Variants in IL1RAPL1 observed in about 807,000 individuals in gnomAD.
The protein encoded by IL1RAPL1 is interleukin 1 receptor accessory protein like 1.
A neutral mutation model predicts 48.4 loss-of-function variants in IL1RAPL1; 3 were observed. The observed-to-expected ratio is 0.06, with a 90% CI of 0.03 to 0.16. The LOEUF (loss-of-function observed/expected upper bound fraction) is 0.16. Ranked by LOEUF, IL1RAPL1 falls within the 10% of genes least tolerant of loss-of-function variation. IL1RAPL1 has a pLI of 1.00. For synonymous variants in IL1RAPL1, 185 were observed against 187.7 expected, an observed-to-expected ratio of 0.99 and a Z score of 0.12; for missense variants, 349 against 530.6, an observed-to-expected ratio of 0.66 and a Z score of 3.36.
chrX:29,113,136 G>T (rs1474622819), intron 2 of IL1RAPL1, among the ~76,000 whole-genome samples: 1 of 111,762 alleles, frequency 8.9e-6, no homozygotes, highest in African/African-American at 3.2e-5. Context: ...TAAACACCTT[G>T]TTTAGCAAGT....
intron 2 of IL1RAPL1, among the ~76,000 whole-genome samples, chrX:29,099,405 G>A (rs1047045842): frequency 9.0e-6 from 1 of 111,722 alleles, no homozygotes; most frequent in East Asian, 2.8e-4. Flanking sequence ...AGTGTTTGTG[G>A]AAAATTTACT....
intron 2 of IL1RAPL1, among the ~76,000 whole-genome samples, chrX:29,105,258 A>G (rs185188191): frequency 8.0e-5 from 9 of 112,241 alleles, no homozygotes; most frequent in Non-Finnish European, 1.7e-4. Context: ...GTCAATATGA[A>G]ACCCTTTAAA....
At chrX:29,935,742 T>C (rs146707224) in intron 8 of IL1RAPL1, among the ~76,000 whole-genome samples, 1,738 of 111,654 alleles carry the variant, frequency 0.016, 36 homozygotes, top group African/African-American at 0.053. Flanking sequence ...CAAGGACCTG[T>C]GGGACCTTAG....
At position 29,274,177 on chromosome X, in the gene IL1RAPL1, A is replaced by C. The variant is rs1484408089; in HGVS notation, c.83-8761A>C. On this transcript the variant is annotated intron_variant, in intron 2 of 10. Transcript: ENST00000378993. Reference sequence around the variant, plus strand: ...TATGTATGACAAAAATGAGAAGGAAAGGTCCTGAAGGAGGTACACAGATAC... The same window carrying C: ...TATGTATGACAAAAATGAGAAGGAACGGTCCTGAAGGAGGTACACAGATAC... Among the ~76,000 whole-genome samples, 12 of 111,817 alleles carry C rather than the reference A, an allele frequency of 1.1e-4. No homozygotes were observed. The East Asian group carries it at 3.4e-3, about 32-fold the overall frequency.
chrX:29,371,335 A>G (rs757616753), intron 3 of IL1RAPL1, among the ~76,000 whole-genome samples: 119 of 109,885 alleles, frequency 1.1e-3, no homozygotes, highest in African/African-American at 3.4e-3. Flanking sequence ...TTTCACAATG[A>G]TGGCCAGGCT....
At chrX:29,830,344 C>T (rs181125286) in intron 6 of IL1RAPL1, among the ~76,000 whole-genome samples, 3 of 111,402 alleles carry the variant, frequency 2.7e-5, no homozygotes, top group African/African-American at 9.8e-5. Context: ...TATACTTTAA[C>T]ACTTTAATTG....
chrX:28,862,023 A>T (rs1921958516), intron 2 of IL1RAPL1, among the ~76,000 whole-genome samples: 1 of 111,496 alleles, frequency 9.0e-6, no homozygotes, highest in African/African-American at 3.3e-5. Flanking sequence ...AGAGAGACTG[A>T]TTTAATTTTT....
At chrX:29,117,637 A>G (rs887159628) in intron 2 of IL1RAPL1, among the ~76,000 whole-genome samples, 1 of 112,137 alleles carries the variant, frequency 8.9e-6, no homozygotes, top group Non-Finnish European at 1.9e-5. Context: ...AAGGCCAAAG[A>G]GAGGTGAATT....
At chrX:29,911,677 C>T (rs886845415) in intron 6 of IL1RAPL1, among the ~76,000 whole-genome samples, 3 of 111,562 alleles carry the variant, frequency 2.7e-5, no homozygotes, top group East Asian at 2.8e-4. Flanking sequence ...GAGTTCTTTG[C>T]GGAATCATAT....
chrX:29,206,188 C>G (rs748010061), intron 2 of IL1RAPL1, among the ~76,000 whole-genome samples: 1 of 111,511 alleles, frequency 9.0e-6, no homozygotes, highest in Non-Finnish European at 1.9e-5. Context: ...TTTCTTCTGT[C>G]ATTTGCTCTG....
chrX:29,217,775 TCTCACACACACACA>T (rs1301487201), intron 2 of IL1RAPL1, among the ~76,000 whole-genome samples: 15 of 68,410 alleles, frequency 2.2e-4, no homozygotes, highest in South Asian at 1.5e-3. Context: ...TCTCTCTCTC[TCTCACACACACACA>T]CACACACACA....
intron 2 of IL1RAPL1, among the ~76,000 whole-genome samples, chrX:29,012,412 C>G (rs561105443): frequency 4.5e-5 from 5 of 110,977 alleles, no homozygotes; most frequent in African/African-American, 1.3e-4. Flanking sequence ...GGCATGGTGG[C>G]GGCCATCTGT....
chrX:29,431,768 A>C (rs1468658382), intron 5 of IL1RAPL1, among the ~76,000 whole-genome samples: 1 of 111,447 alleles, frequency 9.0e-6, no homozygotes, highest in Non-Finnish European at 1.9e-5. Context: ...TTGAAAGAAG[A>C]AAAAAGAAAA....
At chrX:29,861,708 A>G (rs1931588403) in intron 6 of IL1RAPL1, among the ~76,000 whole-genome samples, 1 of 111,789 alleles carries the variant, frequency 8.9e-6, no homozygotes, top group Non-Finnish European at 1.9e-5. Flanking sequence ...AATAAAAAAT[A>G]AAATAAAAAT....
intron 2 of IL1RAPL1, among the ~76,000 whole-genome samples, chrX:29,146,922 A>C (rs929762549): frequency 8.9e-6 from 1 of 112,434 alleles, no homozygotes; most frequent in Non-Finnish European, 1.9e-5. Flanking sequence ...GAAGCAACCT[A>C]ACTCTGAGAA....
At chrX:28,937,227 GTCCC>G (rs887973015) in intron 2 of IL1RAPL1, among the ~76,000 whole-genome samples, 3 of 110,947 alleles carry the variant, frequency 2.7e-5, no homozygotes, top group Non-Finnish European at 5.7e-5. Flanking sequence ...TTATTCTGAG[GTCCC>G]CTTTCACCCA....
intron 4 of IL1RAPL1, among the ~76,000 whole-genome samples, chrX:29,398,068 A>T (rs1933941203): frequency 8.9e-6 from 1 of 112,144 alleles, no homozygotes; most frequent in African/African-American, 3.2e-5. Context: ...CCATAGTCAA[A>T]GATTAGCCCC....
intron 2 of IL1RAPL1, among the ~76,000 whole-genome samples, chrX:28,971,742 T>G (rs1925076635): frequency 9.0e-6 from 1 of 110,647 alleles, no homozygotes; most frequent in African/African-American, 3.3e-5. Context: ...AAGAGGAAGG[T>G]AAGGAGAATT....
chrX:28,958,715 C>T (rs920516329), intron 2 of IL1RAPL1, among the ~76,000 whole-genome samples: 5 of 111,677 alleles, frequency 4.5e-5, no homozygotes, highest in African/African-American at 1.6e-4. Flanking sequence ...TAGAGGATCT[C>T]ATGTCATCAA....
Sources: gnomAD v4.1 joint callset for allele counts (sites outside exome capture counted in the v4.1 genomes callset) on GRCh38, gnomAD v4.1.1 for gene constraint, MANE v1.5 for transcripts, NCBI Gene and HGNC (gene_info 2026-07-23, HGNC 2026-07-21) for gene names.